Variants in ZNF728 observed in about 807,000 individuals in gnomAD.
The protein encoded by ZNF728 is zinc finger protein 728.
A neutral mutation model predicts 12.5 loss-of-function variants in ZNF728; 12 were observed. The ratio of observed to expected loss-of-function variants is 0.96; its 90% confidence interval spans 0.61 to 1.55. The LOEUF is 1.55. Ranked by LOEUF, ZNF728 falls within the 40% of genes most tolerant of loss-of-function variation. ZNF728 has a pLI of 0.00. For missense variants in ZNF728, 692 were observed against 719.2 expected, an observed-to-expected ratio of 0.96 and a Z score of 0.43; for synonymous variants, 205 against 240.7, an observed-to-expected ratio of 0.85 and a Z score of 1.37.
chr19:22,981,808 G>A (rs1267869975), intron 3 of ZNF728, among the ~76,000 whole-genome samples: 1 of 152,056 alleles, frequency 6.6e-6, no homozygotes, highest in Non-Finnish European at 1.5e-5. Flanking sequence ...ATGCAGAAAA[G>A]GCCTTCGACA....
intron 1 of ZNF728, among the ~76,000 whole-genome samples, chr19:22,991,806 G>A (rs553320470): frequency 6.6e-5 from 10 of 152,242 alleles, no homozygotes; most frequent in East Asian, 5.8e-4. Flanking sequence ...GGGGCAGAGC[G>A]TACAGCCAAT....
chr19:22,988,463 A>C lies in ZNF728; in HGVS notation c.4-12T>G. ...AATGTCAACGATCCCTGGAAAACAC[A>C]CACAAACACACATATTTACCAAGTG... On this transcript the variant is annotated splice_polypyrimidine_tract_variant and intron_variant, in intron 1 of 3. Coordinates refer to ENST00000594710, the MANE Select transcript of ZNF728 (RefSeq NM_001267716.2). 2 of 1,613,240 alleles carry C rather than the reference A, an allele frequency of 1.2e-6. No individual in the cohort carries two copies. Among genetic ancestry groups the C allele is most frequent in the Non-Finnish European group, 1.7e-6 (2 of 1,179,724 alleles).
chr19:22,996,801 T>C (rs1969055239), intron 1 of ZNF728, among the ~76,000 whole-genome samples: 1 of 152,158 alleles, frequency 6.6e-6, no homozygotes, highest in African/African-American at 2.4e-5. Flanking sequence ...ATTAACAAGT[T>C]ATCCTCCCTT....
rs1413472236 is a variant in ZNF728, at chr19:22,999,284, A to C, written c.3+3744T>G. ...TTCTTTTTTTTTTATATATACATCT[A>C]ACTGGTTTATTTTAAAATCTCTCAA... On this transcript the variant is annotated intron_variant, in intron 1 of 3. Coordinates refer to ENST00000594710, the MANE Select transcript of ZNF728 (RefSeq NM_001267716.2). Among the ~76,000 whole-genome samples, 4 of 151,868 alleles carry C rather than the reference A, an allele frequency of 2.6e-5. No individual in the cohort carries two copies. In the East Asian group the frequency reaches 5.8e-4, roughly 22 times the overall value.
Position 22,976,579 on chromosome 19 carries a change from T to C in ZNF728, c.758A>G (p.Glu253Gly). 6.2e-7 allele frequency: 1 copy of C among 1,611,258 alleles called. No individual in the cohort carries two copies. The highest frequency in any genetic ancestry group is 8.5e-7 in the Non-Finnish European group (1 of 1,178,596). ...ACATTCTTCACATTTGTAATGTTTC[T>C]CTCCAGTATGAATTACCTTATGCTT... ...LTKHKVIHTG[E>G]KHYKCEECGK... Residue 253 changes from glutamate to glycine, a missense_variant, in exon 4 of 4, where the codon GAG becomes GGG. By Grantham distance (98) the Glu-to-Gly change is moderately conservative (BLOSUM62 -2). This residue lies in a region of ZNF728 where 440 missense variants were observed against 459.6 expected (regional missense o/e 0.96). Transcript: ENST00000594710.
chr19:22,982,493 T>C (rs1968870829), intron 3 of ZNF728, among the ~76,000 whole-genome samples: 1 of 152,176 alleles, frequency 6.6e-6, no homozygotes, highest in South Asian at 2.1e-4. Context: ...TTAACTTTCT[T>C]TACAGATTTT....
rs775150431 is a variant in ZNF728, at chr19:22,975,933, A to G, written c.1404T>C (p.Thr468=). The G allele has an allele frequency of 7.5e-5, 121 of 1,606,256 alleles. No individual in the cohort carries two copies. In the Middle Eastern group the frequency reaches 9.9e-4, roughly 13 times the overall value. ...GKVFSWSSSL[T]THKAIHAGEK... is the part of the protein sequence containing the mutation. Reference sequence around the variant, plus strand: ...CTCCAGCATGAATTGCCTTATGTGTAGTAAGGCTTGAGGACCAGCTGAAGA... The same window carrying G: ...CTCCAGCATGAATTGCCTTATGTGTGGTAAGGCTTGAGGACCAGCTGAAGA... The change falls in exon 4 of 4, where the codon ACT becomes ACC. Residue 468 remains threonine, a synonymous_variant. Transcript: ENST00000594710.
intron 1 of ZNF728, 93 bp downstream of exon 1, chr19:23,002,935 C>A: frequency 2.0e-6 from 3 of 1,515,548 alleles, no homozygotes; most frequent in South Asian, 1.2e-5. Context: ...GTGGAGCTGA[C>A]TGAGAGGAGG....
chr19:22,976,773 T>G lies in ZNF728; in HGVS notation c.564A>C (p.Leu188=), dbSNP rs748040571. Residue 188 remains leucine, a synonymous_variant, in exon 4 of 4, where the codon CTA becomes CTC. Transcript: ENST00000594710. Reference sequence around the variant, plus strand: ...TAGTATAAATTCTTTTATGTTGAGATAGGTGTGAAAGCATGCAAAATGATC... The same window carrying G: ...TAGTATAAATTCTTTTATGTTGAGAGAGGTGTGAAAGCATGCAAAATGATC... ...YVRSFCMLSH[L]SQHKRIYTRE... 3 of 1,613,472 alleles carry G rather than the reference T, an allele frequency of 1.9e-6. No individual in the cohort carries two copies. The highest frequency in any genetic ancestry group is 2.5e-6 in the Non-Finnish European group (3 of 1,179,858).
intron 3 of ZNF728, among the ~76,000 whole-genome samples, chr19:22,981,781 C>A (rs1284996673): frequency 6.6e-6 from 1 of 152,180 alleles, no homozygotes; most frequent in Admixed American, 6.5e-5. Context: ...ATAAAAACCA[C>A]ATGATTATCT....
At chr19:22,996,413 C>T (rs1270769162) in intron 1 of ZNF728, among the ~76,000 whole-genome samples, 1 of 152,176 alleles carries the variant, frequency 6.6e-6, no homozygotes, top group African/African-American at 2.4e-5. Context: ...ACTCTTCTGG[C>T]TTTTGCAGTG....
At chr19:22,999,274 A>G (rs1480071156) in intron 1 of ZNF728, among the ~76,000 whole-genome samples, 7 of 151,088 alleles carry the variant, frequency 4.6e-5, no homozygotes, top group African/African-American at 1.5e-4. Flanking sequence ...TTTTTTTTAT[A>G]TATACATCTA....
At chr19:22,996,922 G>A (rs965302168) in intron 1 of ZNF728, among the ~76,000 whole-genome samples, 1 of 152,132 alleles carries the variant, frequency 6.6e-6, no homozygotes, top group African/African-American at 2.4e-5. Context: ...TTTGCACAGT[G>A]TGTGCACTTG....
Position 22,975,389 on chromosome 19 carries a change from T to G in ZNF728, c.*79A>C. The G allele has an allele frequency of 7.2e-7, 1 of 1,379,582 alleles. No individual in the cohort carries two copies. The highest frequency in any genetic ancestry group is 9.8e-7 in the Non-Finnish European group (1 of 1,015,922). 85.5% of individuals were successfully genotyped at this position (1,379,582 alleles called of 1,614,324 possible). On this transcript the variant is annotated 3_prime_UTR_variant, in exon 4 of 4. Coordinates refer to ENST00000594710, the MANE Select transcript of ZNF728 (RefSeq NM_001267716.2). ...TAAAAAATTTGCCACATTCTTCACA[T>G]TTGTAGGGTTTCCCTCCTGTATAAA...
In ZNF728 at chr19:22,993,829, T is replaced by C. The variant is rs192748376; in HGVS notation, c.4-5378A>G. 9.1e-3 allele frequency among the ~76,000 whole-genome samples: 1,393 copies of C among 152,264 alleles called. 67 individuals are homozygous for C. The highest frequency in any genetic ancestry group is 0.081 in the Admixed American group (1,245 of 15,280). ...CTGAAAAAAAGGGAGAAAAACATGA[T>C]TGTGCTCTCATTTTAATGCCTCTCT... is the stretch of plus-strand genomic sequence containing the variant. On this transcript the variant is annotated intron_variant, in intron 1 of 3. Transcript: ENST00000594710.
chr19:23,001,806 T>C (rs187665890), intron 1 of ZNF728, among the ~76,000 whole-genome samples: 30 of 152,216 alleles, frequency 2.0e-4, no homozygotes, highest in Non-Finnish European at 3.4e-4. Context: ...GGAGGGGAAA[T>C]TGGCATTTGG....
At chr19:22,998,830 T>C (rs1324534469) in intron 1 of ZNF728, among the ~76,000 whole-genome samples, 3 of 152,192 alleles carry the variant, frequency 2.0e-5, no homozygotes, top group Non-Finnish European at 4.4e-5. Context: ...GAAACACCCT[T>C]CCCATTATGA....
rs1056017093 is a variant in ZNF728 at position 22,977,643 on chromosome 19, G to C, written c.227-533C>G. 5.9e-5 allele frequency among the ~76,000 whole-genome samples: 9 copies of C among 152,236 alleles called. No homozygotes were observed. The South Asian group carries it at 1.5e-3, about 25-fold the overall frequency. ...GCAGAGCACTGCAGTGCTGCAAAGA[G>C]AGAAAAGGTGTAACAAGTAACTACT... On this transcript the variant is annotated intron_variant, in intron 3 of 3. Coordinates refer to ENST00000594710, the MANE Select transcript of ZNF728 (RefSeq NM_001267716.2).
chr19:22,977,374 A>G (rs1399890375), intron 3 of ZNF728, among the ~76,000 whole-genome samples: 1 of 152,208 alleles, frequency 6.6e-6, no homozygotes, highest in African/African-American at 2.4e-5. Context: ...AAGTTTGTTA[A>G]ATTTACCCAA....
Sources: gnomAD v4.1 joint callset for allele counts (sites outside exome capture counted in the v4.1 genomes callset) on GRCh38, gnomAD v4.1.1 for gene constraint, gnomAD v4.1.1 regional missense constraint, MANE v1.5 for transcripts, NCBI Gene and HGNC (gene_info 2026-07-23, HGNC 2026-07-21) for gene names.